The following MAGI2 variants were observed in gnomAD, a reference collection of about 807,000 sequenced individuals.
MAGI2 encodes the protein membrane-associated guanylate kinase, WW and PDZ domain-containing protein 2.
In MAGI2, 35 loss-of-function variants were observed where a neutral mutation model predicts 133.3. The ratio of observed to expected loss-of-function variants is 0.26; its 90% confidence interval spans 0.20 to 0.35. The LOEUF is 0.35. Among genes scored for constraint, MAGI2 ranks in the 10% least tolerant of loss-of-function variants. The pLI is 1.00. For missense variants in MAGI2, 1,636 were observed against 1,863.4 expected, an observed-to-expected ratio of 0.88 and a Z score of 2.25; for synonymous variants, 729 against 710.6, an observed-to-expected ratio of 1.03 and a Z score of -0.41.
intron 2 of MAGI2, among the ~76,000 whole-genome samples, chr7:78,711,307 T>TTA (rs990975771): frequency 1.3e-5 from 2 of 152,072 alleles, no homozygotes; most frequent in African/African-American, 2.4e-5. Context: ...AGAGTATATA[T>TTA]AATAGTAATA....
At chr7:78,872,354 C>T (rs923640902) in intron 2 of MAGI2, among the ~76,000 whole-genome samples, 2 of 151,816 alleles carry the variant, frequency 1.3e-5, no homozygotes, top group African/African-American at 4.8e-5. Flanking sequence ...ATTTTAAGAA[C>T]ACAAGATTGC....
chr7:78,202,674 C>A (rs953811419), intron 10 of MAGI2, among the ~76,000 whole-genome samples: 2 of 103,176 alleles, frequency 1.9e-5, no homozygotes, highest in Admixed American at 2.8e-4. Flanking sequence ...CAGAGTGAGA[C>A]TCTGTCTCAA....
intron 6 of MAGI2, among the ~76,000 whole-genome samples, chr7:78,397,493 AG>A (rs1344472179): frequency 1.3e-5 from 2 of 152,000 alleles, no homozygotes; most frequent in African/African-American, 2.4e-5. Flanking sequence ...TCAAGGAAGC[AG>A]GGTTGAGTTG....
chr7:78,219,501 A>G (rs540114105), intron 10 of MAGI2, among the ~76,000 whole-genome samples: 1 of 152,154 alleles, frequency 6.6e-6, no homozygotes, highest in East Asian at 1.9e-4. Context: ...AGTTCATTTT[A>G]TCCTCAGGGC....
intron 1 of MAGI2, among the ~76,000 whole-genome samples, chr7:79,437,962 C>A (rs865906660): frequency 4.1e-4 from 63 of 152,108 alleles, no homozygotes; most frequent in African/African-American, 1.5e-3. Context: ...CCTCCTCTTC[C>A]CCTATTAGAA....
chr7:78,891,099 C>G (rs1300158843), intron 2 of MAGI2, among the ~76,000 whole-genome samples: 1 of 152,170 alleles, frequency 6.6e-6, no homozygotes, highest in Non-Finnish European at 1.5e-5. Context: ...ACTATAAACA[C>G]CTCTATGCAA....
chr7:78,129,884 G>A (rs1821377393), intron 18 of MAGI2, among the ~76,000 whole-genome samples: 1 of 136,910 alleles, frequency 7.3e-6, no homozygotes, highest in Admixed American at 8.3e-5. Context: ...GCGGTGAGCC[G>A]AGATTGCACC....
chr7:78,596,944 T>G (rs554696499), intron 3 of MAGI2, among the ~76,000 whole-genome samples: 3 of 152,296 alleles, frequency 2.0e-5, no homozygotes, highest in South Asian at 4.1e-4. Flanking sequence ...GAGCCTATTT[T>G]AATCTATGTG....
At chr7:78,253,681 C>T (rs1792666728) in intron 10 of MAGI2, 1 of 152,156 alleles carries the variant, frequency 6.6e-6, no homozygotes, top group African/African-American at 2.4e-5. Flanking sequence ...GACTGAAAGT[C>T]TGGGATAGGA....
intron 3 of MAGI2, among the ~76,000 whole-genome samples, chr7:78,546,086 T>G (rs751942442): frequency 6.6e-6 from 1 of 152,216 alleles, no homozygotes; most frequent in African/African-American, 2.4e-5. Flanking sequence ...CTCTCTCAAG[T>G]CAGCTATATG....
chr7:79,213,712 G>T (rs78710231), intron 1 of MAGI2, among the ~76,000 whole-genome samples: 1 of 151,982 alleles, frequency 6.6e-6, no homozygotes, highest in African/African-American at 2.4e-5. Context: ...TGGGACTCTC[G>T]CAATTACTAC....
chr7:78,698,169 T>C (rs1371680994), intron 2 of MAGI2, among the ~76,000 whole-genome samples: 2 of 152,192 alleles, frequency 1.3e-5, no homozygotes, highest in Non-Finnish European at 2.9e-5. Flanking sequence ...ATATTTCCAA[T>C]AAGCTATATC....
At chr7:79,100,390 A>G (rs113764892) in intron 1 of MAGI2, among the ~76,000 whole-genome samples, 3 of 152,034 alleles carry the variant, frequency 2.0e-5, no homozygotes, top group Non-Finnish European at 2.9e-5. Flanking sequence ...GAAAAAATAG[A>G]CATATATATA....
At chr7:78,197,518 T>C (rs1828848251) in intron 11 of MAGI2, among the ~76,000 whole-genome samples, 1 of 152,208 alleles carries the variant, frequency 6.6e-6, no homozygotes. Flanking sequence ...ACATGAAATA[T>C]TGGTATTTCT....
At chr7:79,350,182 G>A (rs962635810) in intron 1 of MAGI2, among the ~76,000 whole-genome samples, 1 of 152,200 alleles carries the variant, frequency 6.6e-6, no homozygotes, top group Admixed American at 6.5e-5. Flanking sequence ...ATTAAAAAGC[G>A]AAAAGCCTGC....
At chr7:79,420,531 T>TA (rs905613235) in intron 1 of MAGI2, among the ~76,000 whole-genome samples, 6 of 151,898 alleles carry the variant, frequency 4.0e-5, no homozygotes, top group African/African-American at 1.2e-4. Flanking sequence ...ATGTGAAAGT[T>TA]AAAAAAACAA....
At chr7:79,036,214 C>A (rs1371033050) in intron 1 of MAGI2, among the ~76,000 whole-genome samples, 1 of 152,186 alleles carries the variant, frequency 6.6e-6, no homozygotes, top group African/African-American at 2.4e-5. Context: ...CTCATTTCAT[C>A]TAAAAAACAT....
chr7:78,248,906 C>G (rs564088817), intron 10 of MAGI2, among the ~76,000 whole-genome samples: 2 of 151,820 alleles, frequency 1.3e-5, no homozygotes, highest in African/African-American at 4.8e-5. Context: ...TGAAAAAGAA[C>G]AATCAACAAC....
chr7:79,194,843 G>T (rs907404137), intron 1 of MAGI2, among the ~76,000 whole-genome samples: 7 of 151,578 alleles, frequency 4.6e-5, no homozygotes, highest in African/African-American at 1.2e-4. Flanking sequence ...TATAGTAAAG[G>T]TTATGAAAAT....
Sources: allele counts gnomAD v4.1 joint callset (sites outside exome capture counted in the v4.1 genomes callset), GRCh38; gene constraint gnomAD v4.1.1; transcripts MANE v1.5; gene names NCBI Gene and HGNC (gene_info 2026-07-23, HGNC 2026-07-21).